DGKG: variants seen among roughly 807,000 people sequenced by gnomAD.
DGKG encodes the protein DAG kinase gamma.
DGKG carries 78 observed loss-of-function variants against 105.3 expected under a neutral mutation model. The observed-to-expected ratio is 0.74, with a 90% CI of 0.62 to 0.89. DGKG has a LOEUF of 0.89. Ranked by LOEUF, DGKG falls within the 40% of genes least tolerant of loss-of-function variation. DGKG has a pLI of 0.00. For synonymous variants in DGKG, 346 were observed against 367.1 expected, an observed-to-expected ratio of 0.94 and a Z score of 0.66; for missense variants, 958 against 1,020.1, an observed-to-expected ratio of 0.94 and a Z score of 0.83.
At chr3:186,354,490 T>C (rs1560169955) in intron 1 of DGKG, among the ~76,000 whole-genome samples, 1 of 152,200 alleles carries the variant, frequency 6.6e-6, no homozygotes, top group East Asian at 1.9e-4. Context: ...AAAGGAGTGA[T>C]GGACCCAAAT....
At chr3:186,246,607 A>T (rs1720953607) in intron 19 of DGKG, among the ~76,000 whole-genome samples, 2 of 152,228 alleles carry the variant, frequency 1.3e-5, no homozygotes, top group Non-Finnish European at 1.5e-5. Flanking sequence ...GGAATGGAAA[A>T]GGGTATAGAC....
chr3:186,251,728 C>T (rs780422222), intron 19 of DGKG, 31 bp downstream of exon 19: 2 of 1,613,618 alleles, frequency 1.2e-6, no homozygotes, highest in South Asian at 2.2e-5. Flanking sequence ...GTTTCCCTTC[C>T]ATACAGAAAG....
At chr3:186,304,731 T>C (rs1303647557) in intron 3 of DGKG, among the ~76,000 whole-genome samples, 1 of 152,220 alleles carries the variant, frequency 6.6e-6, no homozygotes, top group Admixed American at 6.5e-5. Context: ...AATTCACTCA[T>C]CCACAAACTT....
At position 186,283,535 on chromosome 3, in the gene DGKG, C is replaced by T. The variant is rs571333716; in HGVS notation, c.594+1125G>A. Among the ~76,000 whole-genome samples the T allele has an allele frequency of 2.9e-3, 442 of 152,276 alleles. 1 individual carries two copies. Among genetic ancestry groups the T allele is most frequent in the Non-Finnish European group, 5.3e-3 (362 of 68,006 alleles). ...AAAGCTTCAACTTCTTCCAACATTT[C>T]CTTTCCTTTATTTTTCTTCTCAGCA... On this transcript the variant is annotated intron_variant, in intron 7 of 24. Coordinates refer to ENST00000265022, the MANE Select transcript of DGKG (RefSeq NM_001346.3).
At chr3:186,304,716 C>T (rs1004573969) in intron 3 of DGKG, among the ~76,000 whole-genome samples, 2 of 152,326 alleles carry the variant, frequency 1.3e-5, no homozygotes, top group East Asian at 3.9e-4. Context: ...AAGATCCTCT[C>T]ATTTAATTCA....
intron 1 of DGKG, among the ~76,000 whole-genome samples, chr3:186,325,676 G>A (rs1268595730): frequency 6.6e-6 from 1 of 151,506 alleles, no homozygotes; most frequent in Non-Finnish European, 1.5e-5. Context: ...CAATTTATAT[G>A]TCTACTATAA....
intron 21 of DGKG, among the ~76,000 whole-genome samples, chr3:186,201,104 G>A (rs1718435584): frequency 6.6e-6 from 1 of 152,010 alleles, no homozygotes; most frequent in South Asian, 2.1e-4. Context: ...AGAAGGCAAA[G>A]CTGTTTCCTA....
In DGKG at chr3:186,231,800, A is replaced by G. The variant is rs541486843; in HGVS notation, c.1826+10704T>C. On this transcript the variant is annotated intron_variant, in intron 20 of 24. Coordinates refer to ENST00000265022, the MANE Select transcript of DGKG (RefSeq NM_001346.3). This position sits in a 1 kb window ranked among gnomAD's most constrained non-coding sequence, Gnocchi z 4.5. Reference sequence around the variant, plus strand: ...GCTGGGCATGGTGGCGCGCACCTGTAATCCCAGCTAATCAGGAGGCTGAGG... The same window carrying G: ...GCTGGGCATGGTGGCGCGCACCTGTGATCCCAGCTAATCAGGAGGCTGAGG... Among the ~76,000 whole-genome samples the G allele has an allele frequency of 6.6e-6, 1 of 152,274 alleles. No homozygotes were observed. Among genetic ancestry groups the G allele is most frequent in the South Asian group, 2.1e-4 (1 of 4,824 alleles).
At chr3:186,162,647 C>T (rs921881991) in intron 23 of DGKG, among the ~76,000 whole-genome samples, 1 of 152,188 alleles carries the variant, frequency 6.6e-6, no homozygotes, top group African/African-American at 2.4e-5. Flanking sequence ...TCACACCATT[C>T]TCCTGCCTCA....
chr3:186,268,787 G>C lies in DGKG; in HGVS notation c.1116+14C>G. On this transcript the variant is annotated intron_variant, in intron 12 of 24. Transcript: ENST00000265022. ...CGTTGAAAAGAAGCAGGGCCGCCCTGGGCGCCAACCCACCGTCATCCGGCA... is the reference window on the plus strand; with the variant it reads ...CGTTGAAAAGAAGCAGGGCCGCCCTCGGCGCCAACCCACCGTCATCCGGCA... 6.3e-7 allele frequency: 1 copy of C among 1,590,500 alleles called. No individual in the cohort carries two copies. Among genetic ancestry groups the C allele is most frequent in the Non-Finnish European group, 8.6e-7 (1 of 1,159,792 alleles).
At chr3:186,242,451 T>C in intron 20 of DGKG, 53 bp downstream of exon 20, 1 of 1,505,606 alleles carries the variant, frequency 6.6e-7, no homozygotes, top group East Asian at 2.3e-5. Flanking sequence ...AAGGCCTCTG[T>C]TCCGCCAGGG....
chr3:186,327,068 G>T (rs1725377138), intron 1 of DGKG, among the ~76,000 whole-genome samples: 1 of 152,128 alleles, frequency 6.6e-6, no homozygotes, highest in African/African-American at 2.4e-5. Flanking sequence ...GGAGGCTGAG[G>T]TGGGAAGATC....
At chr3:186,257,485 T>G (rs999496439) in intron 17 of DGKG, among the ~76,000 whole-genome samples, 1 of 152,198 alleles carries the variant, frequency 6.6e-6, no homozygotes, top group Non-Finnish European at 1.5e-5. Context: ...TCCCAGGCTA[T>G]GATCTATGCT....
intron 1 of DGKG, among the ~76,000 whole-genome samples, chr3:186,352,557 A>G (rs1726684114): frequency 1.3e-5 from 2 of 152,060 alleles, no homozygotes; most frequent in Non-Finnish European, 1.5e-5. Context: ...CCTGAACTGA[A>G]CTTGTTACCT....
At chr3:186,181,658 T>C (rs190554284) in intron 22 of DGKG, among the ~76,000 whole-genome samples, 1 of 152,124 alleles carries the variant, frequency 6.6e-6, no homozygotes, top group Non-Finnish European at 1.5e-5. Flanking sequence ...ACTTGAACCT[T>C]GGAGGCAGAG....
chr3:186,257,683 T>C (rs1357263968), intron 17 of DGKG, 171 bp downstream of exon 17: 5 of 201,742 alleles, frequency 2.5e-5, no homozygotes, highest in South Asian at 7.0e-5. Flanking sequence ...TCTTATTTCT[T>C]TTTTTTTTTT....
At chr3:186,152,577 G>A (rs1455374184) in intron 24 of DGKG, among the ~76,000 whole-genome samples, 1 of 152,212 alleles carries the variant, frequency 6.6e-6, no homozygotes, top group Non-Finnish European at 1.5e-5. Flanking sequence ...TGACTGATAA[G>A]CCCTACGTGC....
intron 11 of DGKG, 106 bp downstream of exon 11, chr3:186,272,149 G>T (rs1271212055): frequency 2.4e-6 from 2 of 832,440 alleles, no homozygotes; most frequent in Admixed American, 3.8e-5. Context: ...GGCAGAGAAG[G>T]GACTGGATGA....
chr3:186,276,790 T>A (rs1722608804), intron 9 of DGKG, among the ~76,000 whole-genome samples: 1 of 152,192 alleles, frequency 6.6e-6, no homozygotes, highest in Non-Finnish European at 1.5e-5. Flanking sequence ...TTGGGCTGGT[T>A]TCATGATCAG....
Sources: allele counts gnomAD v4.1 joint callset (sites outside exome capture counted in the v4.1 genomes callset), GRCh38; gene constraint gnomAD v4.1.1; non-coding constraint Gnocchi (gnomAD v3.1); transcripts MANE v1.5; gene names NCBI Gene and HGNC (gene_info 2026-07-23, HGNC 2026-07-21).